ALK: variants seen among roughly 807,000 people sequenced by gnomAD.
ALK encodes ALK tyrosine kinase receptor.
A neutral mutation model predicts 163.1 loss-of-function variants in ALK; 74 were observed. The observed-to-expected ratio is 0.45, with a 90% CI of 0.38 to 0.55. ALK has a LOEUF of 0.55. ALK is among the 20% of genes least tolerant of loss of function. The pLI is 0.00. For synonymous variants in ALK, 960 were observed against 843.2 expected, an observed-to-expected ratio of 1.14 and a Z score of -2.40; for missense variants, 2,063 against 2,105.3, an observed-to-expected ratio of 0.98 and a Z score of 0.39.
intron 3 of ALK, among the ~76,000 whole-genome samples, chr2:29,595,863 T>A (rs1675199231): frequency 6.6e-6 from 1 of 152,162 alleles, no homozygotes; most frequent in Non-Finnish European, 1.5e-5. Context: ...GCTGAGAGAA[T>A]TCCAGGACTG....
rs748847921 is a variant in ALK at position 29,920,522 on chromosome 2, G to A, written c.138C>T (p.Tyr46=). The change falls in exon 1 of 29, where the codon TAC becomes TAT. Residue 46 remains tyrosine (Y), a synonymous_variant. Coordinates refer to ENST00000389048, the MANE Select transcript of ALK (RefSeq NM_004304.5). ...CCAGACTCTTCCTCTGCAGGCGCGA[G>A]TAGCTGAGTGGCTCCCGGGGCTGCA... The part of the protein sequence containing the change: ...PPLQPREPLS[Y]SRLQRKSLAV... 1 of 1,611,900 alleles carries A rather than the reference G, an allele frequency of 6.2e-7. No homozygotes were observed. The highest frequency in any genetic ancestry group is 8.5e-7 in the Non-Finnish European group (1 of 1,179,482).
rs557813918 is a variant in ALK at position 29,232,537 on chromosome 2, G to A, written c.2488-89C>T. On this transcript the variant is annotated intron_variant, in intron 14 of 28. Coordinates refer to ENST00000389048, the MANE Select transcript of ALK (RefSeq NM_004304.5). ...CTCTGGTAAATTCAACCTGACTGAG[G>A]GTTTGCTGTTTTGGGGTGACCTGGT... The A allele has an allele frequency of 2.0e-5, 31 of 1,572,996 alleles. No individual in the cohort carries two copies. In the Admixed American group the frequency reaches 3.9e-4, roughly 20 times the overall value.
chr2:29,559,331 C>A (rs534582723), intron 3 of ALK, among the ~76,000 whole-genome samples: 37 of 152,302 alleles, frequency 2.4e-4, no homozygotes, highest in African/African-American at 8.9e-4. Context: ...AGAGACCAAG[C>A]ATCTTGGGAT....
chr2:29,436,914 C>A (rs751459140), intron 4 of ALK, among the ~76,000 whole-genome samples: 1 of 152,034 alleles, frequency 6.6e-6, no homozygotes, highest in Non-Finnish European at 1.5e-5. Context: ...AGCACAGGCC[C>A]GAAGATCTGT....
At chr2:29,480,434 A>G (rs944865172) in intron 4 of ALK, among the ~76,000 whole-genome samples, 2 of 152,222 alleles carry the variant, frequency 1.3e-5, no homozygotes, top group Admixed American at 6.5e-5. Flanking sequence ...TTTTAAAAAC[A>G]ATGAAAATTA....
At chr2:29,291,741 G>A (rs1038718541) in intron 9 of ALK, among the ~76,000 whole-genome samples, 18 of 152,128 alleles carry the variant, frequency 1.2e-4, no homozygotes, top group Admixed American at 5.9e-4. Flanking sequence ...AATTTTTTTA[G>A]GGGTGTGTCT....
chr2:29,661,390 C>T (rs1400980791), intron 3 of ALK, among the ~76,000 whole-genome samples: 1 of 152,142 alleles, frequency 6.6e-6, no homozygotes, highest in African/African-American at 2.4e-5. Flanking sequence ...CTATGATTGT[C>T]AACTCCAGGA....
At chr2:29,628,837 G>T (rs187931578) in intron 3 of ALK, among the ~76,000 whole-genome samples, 1 of 152,170 alleles carries the variant, frequency 6.6e-6, no homozygotes, top group South Asian at 2.1e-4. Flanking sequence ...AAAAAGGAGA[G>T]AGCATAATAA....
chr2:29,771,527 T>C (rs1681022714), intron 1 of ALK, among the ~76,000 whole-genome samples: 1 of 152,062 alleles, frequency 6.6e-6, no homozygotes, highest in African/African-American at 2.4e-5. Flanking sequence ...CACCCTGGAA[T>C]TCTTCTCTTT....
chr2:29,377,875 G>T (rs1558701370), intron 5 of ALK, among the ~76,000 whole-genome samples: 1 of 152,176 alleles, frequency 6.6e-6, no homozygotes, highest in African/African-American at 2.4e-5. Context: ...TAAGGTGAAG[G>T]TTATGACATC....
chr2:29,575,542 T>G (rs1370346549), intron 3 of ALK, among the ~76,000 whole-genome samples: 1 of 152,196 alleles, frequency 6.6e-6, no homozygotes, highest in Non-Finnish European at 1.5e-5. Flanking sequence ...CTCGGGTCAG[T>G]GCATTTATCT....
At chr2:29,228,478 T>G (rs1204984351) in intron 16 of ALK, among the ~76,000 whole-genome samples, 1 of 152,116 alleles carries the variant, frequency 6.6e-6, no homozygotes, top group East Asian at 1.9e-4. Context: ...TTCAGGAAGC[T>G]GGTGGGCTGA....
chr2:29,854,906 C>G (rs997857798), intron 1 of ALK, among the ~76,000 whole-genome samples: 2 of 152,056 alleles, frequency 1.3e-5, no homozygotes, highest in African/African-American at 4.8e-5. Flanking sequence ...TTATTTATGT[C>G]TTTATTTTAT....
At position 29,316,669 on chromosome 2, in the gene ALK, C is replaced by T. The variant is rs538983847; in HGVS notation, c.1647+1635G>A. On this transcript the variant is annotated intron_variant, in intron 8 of 28. Coordinates refer to ENST00000389048, the MANE Select transcript of ALK (RefSeq NM_004304.5). ...TCATTTATATGTTCTCTCAAAAAGC[C>T]TTCCTTTCTAGGTACCTGCTCTCAG... 6.6e-5 allele frequency among the ~76,000 whole-genome samples: 10 copies of T among 152,262 alleles called. No individual in the cohort carries two copies. In the South Asian group the frequency reaches 1.7e-3, roughly 25 times the overall value.
In ALK at chr2:29,271,969, G is replaced by A. The variant is rs560570907; in HGVS notation, c.2041+3130C>T. On this transcript the variant is annotated intron_variant, in intron 11 of 28. Transcript: ENST00000389048. ...CTCGCCCTGCACAGACAGCCTCTGA[G>A]CTCCAAGGAGAAGGATAGAGGGGTA... Among the ~76,000 whole-genome samples, 95 of 152,320 alleles carry A rather than the reference G, an allele frequency of 6.2e-4. 1 individual carries two copies. The highest frequency in any genetic ancestry group is 2.1e-3 in the African/African-American group (87 of 41,572).
rs536284304 is a variant in ALK at position 29,920,188 on chromosome 2, G to A, written c.472C>T (p.Pro158Ser). The A allele has an allele frequency of 8.1e-6, 13 of 1,613,516 alleles. No individual in the cohort carries two copies. Among genetic ancestry groups the A allele is most frequent in the Admixed American group, 3.3e-5 (2 of 60,022 alleles). The change falls in exon 1 of 29, where the codon CCC (proline) becomes TCC (serine). Residue 158 changes from proline (P) to serine (S), a missense_variant. Coordinates refer to ENST00000389048, the MANE Select transcript of ALK (RefSeq NM_004304.5). ...EAILEGCVGPPGEAAVGLLQF... is the reference protein window; with the variant it reads ...EAILEGCVGPSGEAAVGLLQF... ...AGCAGCCCCACAGCCGCCTCCCCGG[G>A]GGGCCCGACGCAACCCTCCAAGATC...
chr2:29,710,810 C>T (rs1679072921), intron 2 of ALK, among the ~76,000 whole-genome samples: 1 of 152,122 alleles, frequency 6.6e-6, no homozygotes, highest in Non-Finnish European at 1.5e-5. Context: ...TGTGCCTGGC[C>T]TCAACCTCAG....
intron 4 of ALK, among the ~76,000 whole-genome samples, chr2:29,451,159 G>C (rs1387312751): frequency 6.6e-6 from 1 of 152,106 alleles, no homozygotes; most frequent in African/African-American, 2.4e-5. Context: ...CTGTCTTCTT[G>C]TGCTTGAGAA....
intron 4 of ALK, among the ~76,000 whole-genome samples, chr2:29,504,043 AGTT>A (rs1244665053): frequency 2.6e-5 from 4 of 152,130 alleles, no homozygotes; most frequent in South Asian, 2.1e-4. Flanking sequence ...ATTAATTACC[AGTT>A]GTTGGTGGTG....
Sources: allele counts gnomAD v4.1 joint callset (sites outside exome capture counted in the v4.1 genomes callset), GRCh38; gene constraint gnomAD v4.1.1; transcripts MANE v1.5; gene names NCBI Gene and HGNC (gene_info 2026-07-23, HGNC 2026-07-21).